Variants in ART4 observed in about 807,000 individuals in gnomAD.
ART4 encodes the protein ecto-ADP-ribosyltransferase 4.
In ART4, 14 loss-of-function variants were observed where a neutral mutation model predicts 24.2. That is an observed-to-expected ratio of 0.58 (90% confidence interval 0.38 to 0.90). ART4 has a LOEUF of 0.90. Ranked by LOEUF, ART4 falls within the 40% of genes least tolerant of loss-of-function variation. The pLI is 0.00. For missense variants in ART4, 356 were observed against 366.6 expected (o/e 0.97, Z 0.24); for synonymous variants, 145 against 139.9 (o/e 1.04, Z -0.26).
At chr12:14,835,546 GAAAC>G (rs925080726) in intron 2 of ART4, among the ~76,000 whole-genome samples, 2 of 151,514 alleles carry the variant, frequency 1.3e-5, no homozygotes, top group African/African-American at 2.4e-5. Context: ...GAAAAACAAA[GAAAC>G]AAAGAAACAA....
chr12:14,833,066 T>A (rs1288753607), intron 2 of ART4, among the ~76,000 whole-genome samples: 3 of 152,216 alleles, frequency 2.0e-5, no homozygotes, highest in Non-Finnish European at 4.4e-5. Flanking sequence ...TCAAAGTTTT[T>A]AATTTTCTCT....
At chr12:14,830,649 G>GTGTGTATATA (rs1184732964) in intron 2 of ART4, among the ~76,000 whole-genome samples, 1 of 25,922 alleles carries the variant, frequency 3.9e-5, no homozygotes, top group Non-Finnish European at 7.7e-5. Flanking sequence ...CTGTATGTAT[G>GTGTGTATATA]TATATATATA....
In ART4 at chr12:14,843,098, T is replaced by C. The variant is rs1226853596; in HGVS notation, c.16A>G (p.Asn6Asp). The C allele has an allele frequency of 6.2e-7, 1 of 1,614,056 alleles. No individual in the cohort carries two copies. The highest frequency in any genetic ancestry group is 1.7e-5 in the Admixed American group (1 of 60,004). The change falls in exon 1 of 3, where the codon AAC (asparagine) becomes GAC (aspartate). Residue 6 changes from asparagine to aspartate, a missense_variant. Physicochemically the swap from Asn to Asp is conservative, Grantham distance 23. Coordinates refer to ENST00000228936, the MANE Select transcript of ART4 (RefSeq NM_021071.4). ...GGGAGAAGAATCTTCTTGCATCTGT[T>C]GATCAATGGACCCATTTGCTTGTGT... The part of the protein sequence containing the change: MGPLI[N>D]RCKKILLPTT...
intron 2 of ART4, among the ~76,000 whole-genome samples, chr12:14,835,286 G>A (rs1373907130): frequency 2.0e-5 from 3 of 152,182 alleles, no homozygotes; most frequent in Non-Finnish European, 4.4e-5. Flanking sequence ...AATTCCCTAG[G>A]CTGGGGTTAG....
chr12:14,829,362 A>G lies in ART4; in HGVS notation c.*9T>C, dbSNP rs369384730. The G allele has an allele frequency of 7.1e-5, 108 of 1,522,526 alleles. No individual in the cohort carries two copies. The highest frequency in any genetic ancestry group is 9.1e-5 in the Non-Finnish European group (103 of 1,135,592). The allele number at this position is 1,522,526 out of a possible 1,614,324, so 94.3% of individuals were successfully genotyped here. A position where few individuals can be genotyped will look rare whatever the true frequency, so the allele number is the denominator to read the frequency against. On this transcript the variant is annotated 3_prime_UTR_variant, in exon 3 of 3. Coordinates refer to ENST00000228936, the MANE Select transcript of ART4 (RefSeq NM_021071.4). ...ATTTTTTTTAAATAAAAGGAGCCACAAGATTTCTTTATACTCTGCTTTTGG... is the reference window on the plus strand; with the variant it reads ...ATTTTTTTTAAATAAAAGGAGCCACGAGATTTCTTTATACTCTGCTTTTGG...
Position 14,843,352 on chromosome 12 carries a change from G to T in ART4, c.-239C>A, listed in dbSNP as rs1863085691. ...ATAGCCAGATGCGCACACCAAATAA[G>T]GGTTTCTAAAGAGAACCCAAGTTAC... On this transcript the variant is annotated 5_prime_UTR_variant, in exon 1 of 3. Transcript: ENST00000228936. The T allele has an allele frequency of 1.2e-5, 5 of 424,268 alleles. No homozygotes were observed. Among genetic ancestry groups the T allele is most frequent in the Admixed American group, 3.7e-5 (1 of 27,168 alleles). The allele number at this position is 424,268 out of a possible 1,614,324, so 26.3% of individuals were successfully genotyped here. A position where few individuals can be genotyped will look rare whatever the true frequency, so the allele number is the denominator to read the frequency against.
At chr12:14,836,297 A>T (rs189816194) in intron 2 of ART4, among the ~76,000 whole-genome samples, 1 of 152,230 alleles carries the variant, frequency 6.6e-6, no homozygotes, top group East Asian at 1.9e-4. Context: ...AATCTCCAAG[A>T]TCACTATTCT....
intron 2 of ART4, among the ~76,000 whole-genome samples, chr12:14,831,866 C>T (rs559463832): frequency 1.2e-3 from 176 of 152,156 alleles, no homozygotes; most frequent in African/African-American, 4.1e-3. Context: ...CAGGCTTCTC[C>T]ATCTCAGTGA....
rs1185255052 is a variant in ART4, at chr12:14,829,260, T to A, written c.*111A>T. ...GGCCATGCACTGGTTTCAGCAGAAG[T>A]ATGATGGGATCATCCTTCCTGGAAA... On this transcript the variant is annotated 3_prime_UTR_variant, in exon 3 of 3. Coordinates refer to ENST00000228936, the MANE Select transcript of ART4 (RefSeq NM_021071.4). 2 of 714,872 alleles carry A rather than the reference T, an allele frequency of 2.8e-6. No homozygotes were observed. The highest frequency in any genetic ancestry group is 6.7e-5 in the Admixed American group (2 of 29,988). 44.3% of individuals were successfully genotyped at this position (714,872 alleles called of 1,614,324 possible).
chr12:14,825,688 A>C lies in ART4; in HGVS notation c.*3683T>G, dbSNP rs1260481374. ...GAGCTAGTTCATTCAGTGTAAATCA[A>C]TTTGATTCATATTATTAGACAACTC... On this transcript the variant is annotated 3_prime_UTR_variant, in exon 3 of 3. Transcript: ENST00000228936. The C allele has an allele frequency of 6.6e-6, 1 of 152,184 alleles. No individual in the cohort carries two copies. Among genetic ancestry groups the C allele is most frequent in the Non-Finnish European group, 1.5e-5 (1 of 68,038 alleles). The allele number at this position is 152,184 out of a possible 1,614,324, so 9.4% of individuals were successfully genotyped here. A position where few individuals can be genotyped will look rare whatever the true frequency, so the allele number is the denominator to read the frequency against.
Position 14,828,195 on chromosome 12 carries a change from T to G in ART4, c.*1176A>C, listed in dbSNP as rs1259299061. On this transcript the variant is annotated 3_prime_UTR_variant, in exon 3 of 3. Transcript: ENST00000228936. ...TGAGACCTCGCTATATTGCTGATAT[T>G]TGTTTGTAATCAGTGTTTTTTTCTC... 1.3e-5 allele frequency: 2 copies of G among 152,192 alleles called. No homozygotes were observed. The highest frequency in any genetic ancestry group is 4.8e-5 in the African/African-American group (2 of 41,452). 9.4% of individuals were successfully genotyped at this position (152,192 alleles called of 1,614,324 possible).
chr12:14,830,154 GTT>G (rs1491047345), intron 2 of ART4, among the ~76,000 whole-genome samples: 1 of 146,518 alleles, frequency 6.8e-6, no homozygotes, highest in Non-Finnish European at 1.5e-5. Context: ...GTGTGTGTGT[GTT>G]CTAACTACAC....
At chr12:14,836,937 T>G (rs1950434983) in intron 2 of ART4, among the ~76,000 whole-genome samples, 1 of 152,162 alleles carries the variant, frequency 6.6e-6, no homozygotes, top group Admixed American at 6.5e-5. Flanking sequence ...GCACTTTCTC[T>G]TGGGCATATC....
chr12:14,830,100 T>C (rs1252961899), intron 2 of ART4, among the ~76,000 whole-genome samples: 7 of 150,512 alleles, frequency 4.7e-5, no homozygotes, highest in African/African-American at 7.4e-5. Flanking sequence ...GCAAGAAATA[T>C]TCACACAATC....
intron 2 of ART4, among the ~76,000 whole-genome samples, chr12:14,838,092 A>C (rs1592250362): frequency 1.3e-5 from 2 of 152,316 alleles, no homozygotes; most frequent in African/African-American, 4.8e-5. Context: ...GTGATTGGTG[A>C]TTCCAAATAT....
rs755882503 is a variant in ART4 at position 14,840,876 on chromosome 12, G to A, written c.422C>T (p.Ala141Val). 44 of 1,614,074 alleles carry A rather than the reference G, an allele frequency of 2.7e-5. No homozygotes were observed. Among genetic ancestry groups the A allele is most frequent in the Admixed American group, 2.7e-4 (16 of 60,002 alleles). The change falls in exon 2 of 3, where the codon GCC becomes GTC. Residue 141 changes from alanine to valine, a missense_variant. Physicochemically the swap from Ala to Val is moderately conservative, Grantham distance 64. Coordinates refer to ENST00000228936, the MANE Select transcript of ART4 (RefSeq NM_021071.4). ...CTGCTGTGGAGTCCTGGCAACAGAG[G>A]CCATGGCTCTAGTAAAGTCAGAATG... ...NVHSDFTRAM[A>V]SVARTPQQYE... is the part of the protein sequence containing the mutation.
chr12:14,840,554 A>G lies in ART4; in HGVS notation c.744T>C (p.Pro248=), dbSNP rs778191912. 1 of 1,614,148 alleles carries G rather than the reference A, an allele frequency of 6.2e-7. No individual in the cohort carries two copies. Among genetic ancestry groups the G allele is most frequent in the Admixed American group, 1.7e-5 (1 of 60,010 alleles). Residue 248 remains proline, a synonymous_variant, in exon 2 of 3, where the codon CCT becomes CCC. Transcript: ENST00000228936. ...TTATAACTTTAAACAGCTCATAGGG[A>G]GGGATCAAGACTTCCTTCTTGAGGG... ...YFSLKKEVLI[P]PYELFKVINM...
intron 2 of ART4, among the ~76,000 whole-genome samples, chr12:14,830,655 A>ATGTG (rs1305502739): frequency 1.1e-3 from 31 of 29,458 alleles, no homozygotes; most frequent in African/African-American, 4.4e-3. Context: ...GTATGTATAT[A>ATGTG]TATATATATA....
At position 14,843,256 on chromosome 12, in the gene ART4, C is replaced by G. The variant is rs529603152; in HGVS notation, c.-143G>C. The G allele has an allele frequency of 1.3e-4, 117 of 918,442 alleles. 1 individual carries two copies. In the Middle Eastern group the frequency reaches 2.5e-3, roughly 19 times the overall value. The allele number at this position is 918,442 out of a possible 1,614,324, so 56.9% of individuals were successfully genotyped here. A position where few individuals can be genotyped will look rare whatever the true frequency, so the allele number is the denominator to read the frequency against. ...TATGCTGAGCAACTTCTGTTGCCCA[C>G]CAACAACCAATAGCTTGTCTGAGGG... is the stretch of plus-strand genomic sequence containing the variant. On this transcript the variant is annotated 5_prime_UTR_variant, in exon 1 of 3. Transcript: ENST00000228936.
Sources: allele counts gnomAD v4.1 joint callset (sites outside exome capture counted in the v4.1 genomes callset), GRCh38; gene constraint gnomAD v4.1.1; transcripts MANE v1.5; gene names NCBI Gene and HGNC (gene_info 2026-07-23, HGNC 2026-07-21).